WDR64: variants seen among roughly 807,000 people sequenced by gnomAD.
WDR64 encodes WD repeat-containing protein 64.
A neutral mutation model predicts 139.3 loss-of-function variants in WDR64; 112 were observed. The ratio of observed to expected loss-of-function variants is 0.80; its 90% CI spans 0.69 to 0.94. The LOEUF (loss-of-function observed/expected upper bound fraction) is 0.94. Among genes scored for constraint, WDR64 ranks in the 40% least tolerant of loss-of-function variants. The pLI, the probability that WDR64 is intolerant of heterozygous loss-of-function variation, is 0.00. For missense variants in WDR64, 1,206 were observed against 1,293.1 expected (o/e 0.93, Z 1.03); for synonymous variants, 444 against 437.7 (o/e 1.01, Z -0.18).
At chr1:241,729,099 T>C (rs1035664521) in intron 10 of WDR64, among the ~76,000 whole-genome samples, 2 of 152,228 alleles carry the variant, frequency 1.3e-5, no homozygotes, top group Non-Finnish European at 2.9e-5. Context: ...ATGGTATCAT[T>C]TGTTTCCCAG....
chr1:241,658,217 T>A (rs1439199734), intron 1 of WDR64, among the ~76,000 whole-genome samples: 1 of 152,128 alleles, frequency 6.6e-6, no homozygotes, highest in Admixed American at 6.6e-5. Context: ...AATTCCTTCT[T>A]GTCCTTAGAT....
At chr1:241,680,871 C>T (rs1263138696) in intron 6 of WDR64, among the ~76,000 whole-genome samples, 3 of 152,212 alleles carry the variant, frequency 2.0e-5, no homozygotes, top group Non-Finnish European at 4.4e-5. Context: ...GTATTCTTCT[C>T]AGGCTTCTCC....
intron 10 of WDR64, among the ~76,000 whole-genome samples, chr1:241,736,671 A>G (rs1258335112): frequency 2.0e-5 from 3 of 152,218 alleles, no homozygotes; most frequent in Non-Finnish European, 4.4e-5. Flanking sequence ...CCACTTCTCT[A>G]AAACATACAG....
chr1:241,783,719 T>A (rs1307440237), intron 23 of WDR64, among the ~76,000 whole-genome samples: 1 of 152,158 alleles, frequency 6.6e-6, no homozygotes, highest in Non-Finnish European at 1.5e-5. Context: ...GGGCTCAGAA[T>A]CAGAAGTCAT....
At chr1:241,796,492 C>CTTTTTTTTT (rs5782206) in intron 27 of WDR64, 122 bp downstream of exon 27, 1 of 484,726 alleles carries the variant, frequency 2.1e-6, no homozygotes. Flanking sequence ...TCAGTTCATA[C>CTTTTTTTTT]TTTTTTTTTT....
Position 241,801,281 on chromosome 1 carries a change from T to C in WDR64, c.*66T>C. ...ACGTTTGGATGATACCTGCTCTTTA[T>C]TTCAGGATGAGAGGGAGAAACCACC... On this transcript the variant is annotated 3_prime_UTR_variant, in exon 28 of 28. Coordinates refer to ENST00000437684, the MANE Select transcript of WDR64 (RefSeq NM_001367482.1). The C allele has an allele frequency of 2.2e-6, 3 of 1,375,232 alleles. No individual in the cohort carries two copies. Among genetic ancestry groups the C allele is most frequent in the Non-Finnish European group, 3.1e-6 (3 of 969,280 alleles). 85.2% of individuals were successfully genotyped at this position (1,375,232 alleles called of 1,614,324 possible). A position where few individuals can be genotyped will look rare whatever the true frequency, so the allele number is the denominator to read the frequency against.
chr1:241,778,265 C>T (rs1206664820), intron 21 of WDR64, among the ~76,000 whole-genome samples: 1 of 152,148 alleles, frequency 6.6e-6, no homozygotes, highest in Admixed American at 6.6e-5. Context: ...CTGTTTATCC[C>T]TGATAAGTTT....
At position 241,757,285 on chromosome 1, in the gene WDR64, T is replaced by C; in HGVS notation, c.1773T>C (p.Gly591=). The change falls in exon 15 of 28, where the codon GGT becomes GGC. Residue 591 remains glycine (G), a splice_region_variant and synonymous_variant. Transcript: ENST00000437684. ...CACTCACTGGATTTCTGTTAAAGGGTAAGGAAGATGATATCTACCTCATGG... is the reference window on the plus strand; with the variant it reads ...CACTCACTGGATTTCTGTTAAAGGGCAAGGAAGATGATATCTACCTCATGG... ...ERNGTIKMIQ[G]KEDDIYLMVI... The C allele has an allele frequency of 6.2e-7, 1 of 1,612,672 alleles. No homozygotes were observed. Among genetic ancestry groups the C allele is most frequent in the Non-Finnish European group, 8.5e-7 (1 of 1,179,514 alleles).
chr1:241,674,861 C>A, intron 4 of WDR64, 114 bp downstream of exon 4: 2 of 141,102 alleles, frequency 1.4e-5, no homozygotes, highest in East Asian at 9.0e-5. Context: ...TTTCCTTCCT[C>A]CCTCCCTCCT....
intron 9 of WDR64, among the ~76,000 whole-genome samples, chr1:241,712,564 T>A (rs1024093336): frequency 1.3e-5 from 2 of 152,142 alleles, no homozygotes; most frequent in Non-Finnish European, 2.9e-5. Flanking sequence ...TCAGACTGTA[T>A]GGGTACAACT....
At chr1:241,728,020 G>C (rs1466905205) in intron 10 of WDR64, among the ~76,000 whole-genome samples, 1 of 151,380 alleles carries the variant, frequency 6.6e-6, no homozygotes, top group Non-Finnish European at 1.5e-5. Flanking sequence ...AAAAGGAAAA[G>C]GGCAATTTAG....
intron 22 of WDR64, among the ~76,000 whole-genome samples, chr1:241,780,888 T>C (rs1179516230): frequency 1.3e-5 from 2 of 152,182 alleles, no homozygotes; most frequent in East Asian, 3.8e-4. Context: ...GCTAATCCAA[T>C]ACTCTTTCCG....
intron 16 of WDR64, 24 bp from the exon 17 acceptor site, chr1:241,769,380 A>G (rs2148297177): frequency 6.5e-7 from 1 of 1,540,014 alleles, no homozygotes; most frequent in Non-Finnish European, 8.8e-7. Flanking sequence ...ATTTTTTCTC[A>G]TATAAATGTA....
rs372596784 is a variant in WDR64, at chr1:241,718,290, A to G, written c.1055-5007A>G. Among the ~76,000 whole-genome samples the G allele has an allele frequency of 3.3e-5, 5 of 152,302 alleles. 1 individual carries two copies. The highest frequency in any genetic ancestry group is 6.5e-5 in the Admixed American group (1 of 15,296). On this transcript the variant is annotated intron_variant, in intron 9 of 27. Transcript: ENST00000437684. ...AAAGAAAGCTGAAGAAAGCACAGTA[A>G]AAACACAGAAGAAGGAGTCTGAACT...
chr1:241,689,355 A>G (rs1667125544), intron 8 of WDR64, among the ~76,000 whole-genome samples: 1 of 152,242 alleles, frequency 6.6e-6, no homozygotes, highest in African/African-American at 2.4e-5. Flanking sequence ...CACACTTTAA[A>G]TATAAAGACA....
chr1:241,710,456 T>C (rs1403489819), intron 8 of WDR64, among the ~76,000 whole-genome samples: 2 of 142,130 alleles, frequency 1.4e-5, no homozygotes, highest in Non-Finnish European at 3.0e-5. Context: ...GAAACATACA[T>C]ATGAATATAT....
chr1:241,699,262 G>T (rs2148141630), intron 8 of WDR64, among the ~76,000 whole-genome samples: 1 of 152,176 alleles, frequency 6.6e-6, no homozygotes, highest in South Asian at 2.1e-4. Flanking sequence ...ATTGGTGAGG[G>T]TTACCAATAC....
At chr1:241,735,821 CTA>C (rs67564756) in intron 10 of WDR64, among the ~76,000 whole-genome samples, 27,210 of 87,142 alleles carry the variant, frequency 0.31, 3,211 homozygotes, top group Non-Finnish European at 0.37. Flanking sequence ...CCTTCTCTTT[CTA>C]TCTCTCTCTC....
chr1:241,660,526 G>A lies in WDR64; in HGVS notation c.146-4G>A. 1 of 1,549,750 alleles carries A rather than the reference G, an allele frequency of 6.5e-7. No homozygotes were observed. Among genetic ancestry groups the A allele is most frequent in the Non-Finnish European group, 8.7e-7 (1 of 1,146,166 alleles). ...GAAAATGGACTGTACTTTTTTCAAT[G>A]CAGATGCAATTGGTTATGACAAGTT... On this transcript the variant is annotated splice_polypyrimidine_tract_variant and splice_region_variant and intron_variant, in intron 1 of 27. Coordinates refer to ENST00000437684, the MANE Select transcript of WDR64 (RefSeq NM_001367482.1).
Sources: allele counts gnomAD v4.1 joint callset (sites outside exome capture counted in the v4.1 genomes callset), GRCh38; gene constraint gnomAD v4.1.1; transcripts MANE v1.5; gene names NCBI Gene and HGNC (gene_info 2026-07-23, HGNC 2026-07-21).